The following SLC35F1 variants were observed in gnomAD, a reference collection of about 807,000 sequenced individuals.
SLC35F1 encodes the protein chromosome 6 open reading frame 169.
Under a neutral mutation model 48.7 loss-of-function variants are expected in SLC35F1, and 14 were observed. That is an observed-to-expected ratio of 0.29 (90% CI 0.19 to 0.45). SLC35F1 has a LOEUF of 0.45. Ranked by LOEUF, SLC35F1 falls within the 20% of genes least tolerant of loss-of-function variation. The pLI is 1.00. For synonymous variants in SLC35F1, 190 were observed against 202.2 expected (o/e 0.94, Z 0.51); for missense variants, 404 against 500.0 (o/e 0.81, Z 1.83).
chr6:118,113,414 A>G (rs1262953778), intron 1 of SLC35F1, among the ~76,000 whole-genome samples: 3 of 152,016 alleles, frequency 2.0e-5, no homozygotes. Flanking sequence ...GTGTCAATGT[A>G]GGTTCACTGG....
chr6:118,101,819 CTG>C (rs1201309015), intron 1 of SLC35F1, among the ~76,000 whole-genome samples: 12 of 152,186 alleles, frequency 7.9e-5, no homozygotes, highest in African/African-American at 2.9e-4. Context: ...GCATTACATA[CTG>C]TGTTTATAAT....
chr6:118,128,860 A>T (rs180989190), intron 1 of SLC35F1, among the ~76,000 whole-genome samples: 7 of 152,224 alleles, frequency 4.6e-5, no homozygotes, highest in African/African-American at 1.7e-4. Flanking sequence ...ATAACCTGCC[A>T]TATAATGAGT....
chr6:117,969,682 T>C (rs1258394494), intron 1 of SLC35F1, among the ~76,000 whole-genome samples: 1 of 152,014 alleles, frequency 6.6e-6, no homozygotes, highest in Non-Finnish European at 1.5e-5. Flanking sequence ...GCCTCTGCAC[T>C]CCAGCCTGTG....
intron 4 of SLC35F1, among the ~76,000 whole-genome samples, chr6:118,270,972 A>C (rs774014566): frequency 1.8e-4 from 28 of 152,224 alleles, no homozygotes; most frequent in East Asian, 1.5e-3. Flanking sequence ...TTCTAACACA[A>C]TACATTTATT....
intron 1 of SLC35F1, chr6:117,999,093 T>C (rs950691665): frequency 2.6e-6 from 4 of 1,548,124 alleles, no homozygotes. Flanking sequence ...CCCAAGTTCC[T>C]GAGGAACATG....
chr6:118,212,945 A>G (rs1183584990), intron 2 of SLC35F1, among the ~76,000 whole-genome samples: 1 of 152,224 alleles, frequency 6.6e-6, no homozygotes, highest in Non-Finnish European at 1.5e-5. Context: ...AATAATTCCT[A>G]TCTAACCTGA....
chr6:118,119,860 G>T (rs1020649568), intron 1 of SLC35F1, among the ~76,000 whole-genome samples: 1 of 152,136 alleles, frequency 6.6e-6, no homozygotes, highest in Non-Finnish European at 1.5e-5. Context: ...TTTGTGAAAA[G>T]AATAAGGTCA....
intron 1 of SLC35F1, among the ~76,000 whole-genome samples, chr6:118,046,623 A>G (rs1015856876): frequency 9.2e-5 from 14 of 152,158 alleles, no homozygotes; most frequent in African/African-American, 3.4e-4. Context: ...AAGCAGTCTC[A>G]AAGTTGTGAG....
intron 7 of SLC35F1, among the ~76,000 whole-genome samples, chr6:118,295,768 G>A (rs1245895089): frequency 6.6e-6 from 1 of 152,086 alleles, no homozygotes; most frequent in Non-Finnish European, 1.5e-5. Context: ...ATTAGAAATA[G>A]GAGATTTAAA....
chr6:118,233,888 A>G (rs1458593933), intron 2 of SLC35F1, among the ~76,000 whole-genome samples: 2 of 152,206 alleles, frequency 1.3e-5, no homozygotes, highest in Non-Finnish European at 2.9e-5. Context: ...GGCTTGGAAG[A>G]GTAGGCTGGC....
At chr6:118,071,906 C>T (rs917397844) in intron 1 of SLC35F1, among the ~76,000 whole-genome samples, 3 of 152,212 alleles carry the variant, frequency 2.0e-5, no homozygotes, top group Admixed American at 6.5e-5. Context: ...TTGCTGTGGG[C>T]TCTGTCCTCA....
At chr6:118,258,984 G>GT (rs1228522472) in intron 3 of SLC35F1, among the ~76,000 whole-genome samples, 1 of 151,532 alleles carries the variant, frequency 6.6e-6, no homozygotes, top group Non-Finnish European at 1.5e-5. Context: ...GAGAGAAGAA[G>GT]TTTTTTTAAA....
chr6:118,130,009 G>A (rs531590966), intron 1 of SLC35F1, among the ~76,000 whole-genome samples: 2 of 152,162 alleles, frequency 1.3e-5, no homozygotes, highest in South Asian at 2.1e-4. Flanking sequence ...ATCCCTTTAG[G>A]TTATGGCTTC....
intron 1 of SLC35F1, among the ~76,000 whole-genome samples, chr6:117,923,777 A>G (rs1377186965): frequency 2.7e-5 from 2 of 74,744 alleles, no homozygotes; most frequent in African/African-American, 1.4e-4. Context: ...ATACATATGT[A>G]TATATACATA....
chr6:118,157,369 T>G (rs1377601201), intron 2 of SLC35F1, among the ~76,000 whole-genome samples: 2 of 152,170 alleles, frequency 1.3e-5, no homozygotes, highest in East Asian at 3.9e-4. Context: ...GAGATACCAC[T>G]GTGCGGTCAG....
intron 1 of SLC35F1, among the ~76,000 whole-genome samples, chr6:118,068,239 A>G (rs1328141443): frequency 6.6e-6 from 1 of 152,190 alleles, no homozygotes; most frequent in Non-Finnish European, 1.5e-5. Context: ...ACGTTCACAG[A>G]CACACCTAAA....
At chr6:118,235,117 T>G (rs1361407010) in intron 2 of SLC35F1, among the ~76,000 whole-genome samples, 1 of 152,184 alleles carries the variant, frequency 6.6e-6, no homozygotes, top group Non-Finnish European at 1.5e-5. Context: ...GTTCTTTCAT[T>G]TTTATCTATT....
At chr6:118,050,922 A>G (rs1432059284) in intron 1 of SLC35F1, among the ~76,000 whole-genome samples, 1 of 152,094 alleles carries the variant, frequency 6.6e-6, no homozygotes, top group East Asian at 1.9e-4. Flanking sequence ...TAGGGTGGAG[A>G]AAACATCTTA....
chr6:118,136,277 A>G (rs527507568), intron 1 of SLC35F1, among the ~76,000 whole-genome samples: 60 of 152,314 alleles, frequency 3.9e-4, no homozygotes, highest in African/African-American at 1.4e-3. Flanking sequence ...AATCTATGCT[A>G]ACTCATTGAG....
Sources: gnomAD v4.1 joint callset for allele counts (sites outside exome capture counted in the v4.1 genomes callset) on GRCh38, gnomAD v4.1.1 for gene constraint, MANE v1.5 for transcripts, NCBI Gene and HGNC (gene_info 2026-07-23, HGNC 2026-07-21) for gene names.